Variants in GCNT4 observed in about 807,000 individuals in gnomAD.
GCNT4 encodes glucosaminyl (N-acetyl) transferase 4, also known as beta-1,3-galactosyl-O-glycosyl-glycoprotein beta-1,6-N-acetylglucosaminyltransferase 4.
Under a neutral mutation model 31.3 loss-of-function variants are expected in GCNT4, and 17 were observed. The observed-to-expected ratio is 0.54, with a 90% confidence interval of 0.37 to 0.81. GCNT4 has a LOEUF of 0.81. Ranked by LOEUF, GCNT4 falls within the 40% of genes least tolerant of loss-of-function variation. The probability of loss-of-function intolerance (pLI) is 0.00; values close to 1 mark genes in which losing one functional copy is unlikely to be tolerated. For missense variants in GCNT4, 503 were observed against 525.5 expected, an observed-to-expected ratio of 0.96 and a Z score of 0.42; for synonymous variants, 158 against 190.6, an observed-to-expected ratio of 0.83 and a Z score of 1.41.
chr5:75,036,974 C>T lies in GCNT4; in HGVS notation c.-1-6936G>A, dbSNP rs180862858. ...ATGTGGAGAATATTCCCTCTTCAGG[C>T]CACCTTAAAGTTCTTAAACTTTGTA... On this transcript the variant is annotated intron_variant, in intron 3 of 3. Coordinates refer to ENST00000652361, the MANE Select transcript of GCNT4 (RefSeq NM_001366737.1). Among the ~76,000 whole-genome samples the T allele has an allele frequency of 2.6e-3, 392 of 152,254 alleles. 2 individuals carry two copies. The highest frequency in any genetic ancestry group is 3.7e-3 in the Non-Finnish European group (249 of 68,012).
downstream of GCNT4, among the ~76,000 whole-genome samples, chr5:75,021,597 C>T (rs926639415): frequency 6.6e-6 from 1 of 152,246 alleles, no homozygotes; most frequent in African/African-American, 2.4e-5. Context: ...AGTCTGATCA[C>T]AGATCATGTC....
At chr5:75,033,899 A>G (rs1455217756) in intron 3 of GCNT4, among the ~76,000 whole-genome samples, 1 of 151,654 alleles carries the variant, frequency 6.6e-6, no homozygotes, top group Non-Finnish European at 1.5e-5. Flanking sequence ...ATGTGTTCTC[A>G]CTGTTCAACT....
chr5:75,031,178 G>T (rs550819431), intron 3 of GCNT4, among the ~76,000 whole-genome samples: 2 of 151,726 alleles, frequency 1.3e-5, no homozygotes, highest in African/African-American at 2.4e-5. Flanking sequence ...GGGCTCAAGC[G>T]ATCCTCCTGC....
Position 75,025,754 on chromosome 5 carries a change from T to G in GCNT4, c.*2922A>C, listed in dbSNP as rs2149945791. The stretch of plus-strand genomic sequence containing the variant: ...AAAATATTAAAAATAGCAGCAACAC[T>G]GGTCTTTAAACACGTCTAATATCCC... On this transcript the variant is annotated 3_prime_UTR_variant, in exon 4 of 4. Transcript: ENST00000652361. 1 of 152,330 alleles carries G rather than the reference T, an allele frequency of 6.6e-6. No homozygotes were observed. The highest frequency in any genetic ancestry group is 2.1e-4 in the South Asian group (1 of 4,832). 9.4% of individuals were successfully genotyped at this position (152,330 alleles called of 1,614,324 possible).
chr5:75,041,470 G>A (rs1387669348), intron 3 of GCNT4, among the ~76,000 whole-genome samples: 1 of 152,216 alleles, frequency 6.6e-6, no homozygotes, highest in Non-Finnish European at 1.5e-5. Flanking sequence ...TTGGAGAATA[G>A]AGACCTAAAG....
intron 3 of GCNT4, among the ~76,000 whole-genome samples, chr5:75,045,649 T>C (rs1199146049): frequency 1.3e-5 from 2 of 152,238 alleles, no homozygotes; most frequent in African/African-American, 2.4e-5. Flanking sequence ...ATATCCCCTA[T>C]ATAAACCTTA....
intron 3 of GCNT4, among the ~76,000 whole-genome samples, chr5:75,040,964 G>T (rs1439673031): frequency 2.6e-5 from 4 of 152,164 alleles, no homozygotes; most frequent in African/African-American, 9.7e-5. Context: ...CAGTATGCTC[G>T]ATATTTTTCA....
chr5:75,041,015 G>A (rs1743304073), intron 3 of GCNT4, among the ~76,000 whole-genome samples: 1 of 152,196 alleles, frequency 6.6e-6, no homozygotes, highest in Non-Finnish European at 1.5e-5. Flanking sequence ...AGACAGCCAA[G>A]AGCACGTGCA....
chr5:75,049,510 T>A (rs1415301492), intron 2 of GCNT4, among the ~76,000 whole-genome samples: 3 of 152,228 alleles, frequency 2.0e-5, no homozygotes, highest in African/African-American at 7.2e-5. Flanking sequence ...TAATTTTCTT[T>A]TCTCTTATAT....
the GCNT4 span, among the ~76,000 whole-genome samples, chr5:75,018,809 A>C: frequency 6.6e-6 from 1 of 152,170 alleles, no homozygotes; most frequent in Non-Finnish European, 1.5e-5. Flanking sequence ...AAGAGGCAAA[A>C]GGAATGAACA....
At chr5:75,042,380 T>C (rs1398118730) in intron 3 of GCNT4, among the ~76,000 whole-genome samples, 2 of 152,248 alleles carry the variant, frequency 1.3e-5, no homozygotes, top group Non-Finnish European at 1.5e-5. Flanking sequence ...TATGCTTTTT[T>C]TTCCCCCTCA....
chr5:75,022,239 A>G (rs545428666), downstream of GCNT4, among the ~76,000 whole-genome samples: 3 of 152,318 alleles, frequency 2.0e-5, no homozygotes, highest in East Asian at 5.8e-4. Context: ...ATGCGGTTGA[A>G]AACAATTTTA....
At chr5:75,050,664 CCT>C (rs1346931195) in intron 2 of GCNT4, among the ~76,000 whole-genome samples, 8 of 152,252 alleles carry the variant, frequency 5.3e-5, no homozygotes, top group South Asian at 4.1e-4. Context: ...TCCAATGTTC[CCT>C]GTTTCCGTAA....
At position 75,029,741 on chromosome 5, in the gene GCNT4, C is replaced by T. The variant is rs753689764; in HGVS notation, c.297G>A (p.Glu99=). The change falls in exon 4 of 4, where the codon GAG becomes GAA. Residue 99 remains glutamate, a synonymous_variant. Coordinates refer to ENST00000652361, the MANE Select transcript of GCNT4 (RefSeq NM_001366737.1). ...TGGTCATTGCCACAACATCATCATC[C>T]TCCAAGTCAATGATGTCCCTTCTTC... The part of the protein sequence containing the change: ...EIRRRDIIDL[E]DDDVVAMTSD... The T allele has an allele frequency of 6.2e-7, 1 of 1,614,134 alleles. No homozygotes were observed. Among genetic ancestry groups the T allele is most frequent in the Non-Finnish European group, 8.5e-7 (1 of 1,180,024 alleles).
At chr5:75,033,657 ATTTAT>A (rs1259260560) in intron 3 of GCNT4, among the ~76,000 whole-genome samples, 2 of 146,670 alleles carry the variant, frequency 1.4e-5, no homozygotes, top group African/African-American at 2.6e-5. Context: ...AAATCCCTTT[ATTTAT>A]TTATTTATTT....
chr5:75,020,442 C>T (rs574406191), downstream of GCNT4, among the ~76,000 whole-genome samples: 59 of 152,232 alleles, frequency 3.9e-4, no homozygotes, highest in Non-Finnish European at 6.8e-4. Context: ...TGTGGCTGGC[C>T]TTGCAGGCCA....
At chr5:75,031,027 A>G (rs958588327) in intron 3 of GCNT4, 1 of 162,614 alleles carries the variant, frequency 6.1e-6, no homozygotes, top group Non-Finnish European at 1.5e-5. Flanking sequence ...CATGTCTAGT[A>G]TGCTTACATG....
chr5:75,051,528 G>A (rs1162830006), intron 2 of GCNT4, among the ~76,000 whole-genome samples: 1 of 152,160 alleles, frequency 6.6e-6, no homozygotes, highest in Non-Finnish European at 1.5e-5. Context: ...CCCAGCACCC[G>A]TGGGTCAAGG....
downstream of GCNT4, among the ~76,000 whole-genome samples, chr5:75,020,593 A>C (rs1742870343): frequency 6.6e-6 from 1 of 152,090 alleles, no homozygotes; most frequent in South Asian, 2.1e-4. Context: ...GTGTTCTTTC[A>C]GCTATTCGCC....
Sources: gnomAD v4.1 joint callset for allele counts (sites outside exome capture counted in the v4.1 genomes callset) on GRCh38, gnomAD v4.1.1 for gene constraint, MANE v1.5 for transcripts, NCBI Gene and HGNC (gene_info 2026-07-23, HGNC 2026-07-21) for gene names.